The following IFNG-AS1 variants were observed in gnomAD, a reference collection of about 807,000 sequenced individuals.
IFNG-AS1 encodes the protein IFNG regulatory antisense RNA 1.
intron 2 of IFNG-AS1, among the ~76,000 whole-genome samples, chr12:67,999,604 A>C (rs1005925745): frequency 1.4e-4 from 21 of 152,204 alleles, no homozygotes; most frequent in African/African-American, 4.1e-4. Context: ...AGAATAAAAT[A>C]AGTATTCATG....
At chr12:68,014,534 C>G (rs1444369061) in intron 3 of IFNG-AS1, among the ~76,000 whole-genome samples, 1 of 152,158 alleles carries the variant, frequency 6.6e-6, no homozygotes, top group Non-Finnish European at 1.5e-5. Context: ...TTGCATTTCC[C>G]TGATCATTAG....
At chr12:68,005,266 A>T (rs1879879494) in intron 2 of IFNG-AS1, among the ~76,000 whole-genome samples, 1 of 152,192 alleles carries the variant, frequency 6.6e-6, no homozygotes, top group Non-Finnish European at 1.5e-5. Context: ...CAGGAAGTAG[A>T]ATTTCTCCAG....
intron 3 of IFNG-AS1, among the ~76,000 whole-genome samples, chr12:68,013,033 G>C (rs1880068729): frequency 1.3e-5 from 2 of 152,208 alleles, no homozygotes; most frequent in Non-Finnish European, 2.9e-5. Flanking sequence ...CAAAGTGATA[G>C]AGCTGGAAAG....
chr12:68,013,888 C>T (rs183858072), intron 3 of IFNG-AS1, among the ~76,000 whole-genome samples: 21 of 152,264 alleles, frequency 1.4e-4, no homozygotes, highest in East Asian at 5.8e-4. Context: ...GTGCACCCAT[C>T]ACCCGAGCAG....
chr12:68,009,508 A>AT, intron 3 of IFNG-AS1, among the ~76,000 whole-genome samples: 1 of 152,060 alleles, frequency 6.6e-6, no homozygotes, highest in South Asian at 2.1e-4. Flanking sequence ...CGCCCAGCTA[A>AT]TTTTTTGTAT....
chr12:68,003,424 C>CTTTTTTT lies in IFNG-AS1; in HGVS notation n.185-2666_185-2665insTTTTTTT, dbSNP rs530422946. ...TTCATAGAAGCTAATCATATTCCCC[C>CTTTTTTT]CTTTTTTTTTTTTTTTGCATTGAGC... On this transcript the variant is annotated intron_variant and non_coding_transcript_variant, in intron 2 of 5. Coordinates refer to ENST00000536914, the Ensembl canonical transcript of IFNG-AS1. Among the ~76,000 whole-genome samples, 20 of 136,508 alleles carry CTTTTTTT rather than the reference C, an allele frequency of 1.5e-4. 3 individuals are homozygous for CTTTTTTT. The highest frequency in any genetic ancestry group is 1.1e-4 in the Non-Finnish European group (7 of 65,340). 89.6% of individuals were successfully genotyped at this position (136,508 alleles called of 152,430 possible).
At chr12:67,999,158 G>A (rs1879709665) in intron 2 of IFNG-AS1, among the ~76,000 whole-genome samples, 1 of 152,168 alleles carries the variant, frequency 6.6e-6, no homozygotes, top group Non-Finnish European at 1.5e-5. Context: ...GGAATCAAAT[G>A]TATGAACTCG....
chr12:68,016,268 T>C (rs1293778858), intron 3 of IFNG-AS1, among the ~76,000 whole-genome samples: 7 of 152,276 alleles, frequency 4.6e-5, no homozygotes, highest in Non-Finnish European at 1.0e-4. Flanking sequence ...GTGGAACTCC[T>C]AGGCTCCCTG....
chr12:67,993,178 T>G (rs1879555085), intron 1 of IFNG-AS1, among the ~76,000 whole-genome samples: 1 of 152,226 alleles, frequency 6.6e-6, no homozygotes, highest in African/African-American at 2.4e-5. Context: ...TTCTTTATTT[T>G]TTAATTTCTG....
At chr12:68,014,002 C>T (rs761235662) in intron 3 of IFNG-AS1, among the ~76,000 whole-genome samples, 17 of 152,224 alleles carry the variant, frequency 1.1e-4, no homozygotes, top group Non-Finnish European at 1.9e-4. Flanking sequence ...TTTGCACCCT[C>T]ATAGCTTAGC....
intron 3 of IFNG-AS1, among the ~76,000 whole-genome samples, chr12:68,018,656 C>T (rs1880210802): frequency 6.6e-6 from 1 of 152,104 alleles, no homozygotes; most frequent in Admixed American, 6.6e-5. Flanking sequence ...TTTACAAAAC[C>T]TTCCTTCACC....
chr12:68,015,248 A>T (rs955101842), intron 3 of IFNG-AS1, among the ~76,000 whole-genome samples: 1 of 152,148 alleles, frequency 6.6e-6, no homozygotes, highest in African/African-American at 2.4e-5. Context: ...ATGTGTTCAC[A>T]TTCTAAAAGT....
chr12:68,019,065 G>T (rs1230825352), intron 3 of IFNG-AS1, among the ~76,000 whole-genome samples: 1 of 151,984 alleles, frequency 6.6e-6, no homozygotes, highest in Non-Finnish European at 1.5e-5. Context: ...TAAGCGTTTG[G>T]GTCTCTGAGG....
intron 1 of IFNG-AS1, among the ~76,000 whole-genome samples, chr12:67,991,948 T>TTAGTTATTTTCTCA (rs1879523278): frequency 6.6e-6 from 1 of 152,246 alleles, no homozygotes; most frequent in African/African-American, 2.4e-5. Context: ...GTTATTGCTC[T>TTAGTTATTTTCTCA]TAGTTATTTT....
intron 3 of IFNG-AS1, among the ~76,000 whole-genome samples, chr12:68,015,480 C>G (rs1156744440): frequency 6.6e-6 from 1 of 152,122 alleles, no homozygotes; most frequent in Non-Finnish European, 1.5e-5. Flanking sequence ...GCTTCACCTT[C>G]TCATCTCCTC....
At chr12:68,004,697 T>C (rs1879867479) in intron 2 of IFNG-AS1, among the ~76,000 whole-genome samples, 1 of 152,170 alleles carries the variant, frequency 6.6e-6, no homozygotes, top group East Asian at 1.9e-4. Flanking sequence ...CGTCTGCTTG[T>C]CAAGGCTCAA....
intron 3 of IFNG-AS1, among the ~76,000 whole-genome samples, chr12:68,009,746 A>C (rs1026604050): frequency 2.0e-5 from 3 of 152,142 alleles, no homozygotes; most frequent in African/African-American, 7.2e-5. Flanking sequence ...AGTCATTCCG[A>C]GATCTTGTCT....
chr12:68,013,088 C>T (rs1263820919), intron 3 of IFNG-AS1, among the ~76,000 whole-genome samples: 1 of 152,224 alleles, frequency 6.6e-6, no homozygotes, highest in East Asian at 1.9e-4. Context: ...AATACAGAAG[C>T]TTTAACCATT....
At chr12:67,995,354 G>A (rs1592819331) in intron 1 of IFNG-AS1, among the ~76,000 whole-genome samples, 1 of 149,924 alleles carries the variant, frequency 6.7e-6, no homozygotes, top group African/African-American at 2.4e-5. Flanking sequence ...CCAGGAAGCG[G>A]AGGCTGCAGT....
Sources: gnomAD v4.1 joint callset for allele counts (sites outside exome capture counted in the v4.1 genomes callset) on GRCh38, gnomAD v4.1.1 for gene constraint, MANE v1.5 for transcripts, NCBI Gene and HGNC (gene_info 2026-07-23, HGNC 2026-07-21) for gene names.